Variants in R3HCC1 observed in about 807,000 individuals in gnomAD.
R3HCC1 encodes the protein R3H and coiled-coil domain-containing protein 1.
A neutral mutation model predicts 40.0 loss-of-function variants in R3HCC1; 32 were observed. The ratio of observed to expected loss-of-function variants is 0.80; its 90% CI spans 0.60 to 1.07. The LOEUF (loss-of-function observed/expected upper bound fraction) is 1.07, where lower values mean the gene tolerates loss of function less well. R3HCC1 is among the 50% of genes least tolerant of loss of function. The pLI is 0.00. For missense variants in R3HCC1, 586 were observed against 563.3 expected (o/e 1.04, Z -0.41); for synonymous variants, 237 against 232.8 (o/e 1.02, Z -0.17).
At chr8:23,295,668 A>ATTGGG (rs1802994711) in intron 7 of R3HCC1, 1 of 496,362 alleles carries the variant, frequency 2.0e-6, no homozygotes, top group Non-Finnish European at 3.7e-6. Flanking sequence ...ACCCCTCCCA[A>ATTGGG]AGGACCCTAA....
chr8:23,294,087 A>G (rs1448003526), intron 6 of R3HCC1, among the ~76,000 whole-genome samples: 1 of 152,202 alleles, frequency 6.6e-6, no homozygotes, highest in East Asian at 1.9e-4. Context: ...CCCAGTCCTC[A>G]GGAGGGAGGG....
chr8:23,293,130 G>C (rs1344079557), intron 5 of R3HCC1, among the ~76,000 whole-genome samples, 173 bp from the exon 6 acceptor site: 5 of 152,162 alleles, frequency 3.3e-5, no homozygotes, highest in Admixed American at 6.5e-5. Flanking sequence ...CCAACCATAT[G>C]GGCTTCAGAG....
In R3HCC1 at chr8:23,292,069, C is replaced by T. The variant is rs1014357869; in HGVS notation, c.1025+536C>T. Among the ~76,000 whole-genome samples, 3 of 152,180 alleles carry T rather than the reference C, an allele frequency of 2.0e-5. No homozygotes were observed. The East Asian group carries it at 5.8e-4, about 29-fold the overall frequency. ...CCTGTCTTTCCTTCTTTTTTCTTTT[C>T]CTTTTTTTTCTCATTTTGCCTTCTC... is the stretch of plus-strand genomic sequence containing the variant. On this transcript the variant is annotated intron_variant, in intron 5 of 7. Coordinates refer to ENST00000265806, the MANE Select transcript of R3HCC1 (RefSeq NM_001136108.3).
At chr8:23,295,839 G>A in intron 7 of R3HCC1, 128 bp from the exon 8 acceptor site, 1 of 1,320,100 alleles carries the variant, frequency 7.6e-7, no homozygotes, top group Non-Finnish European at 1.0e-6. Context: ...CACGGGCACA[G>A]CTGGGCCGAG....
intron 5 of R3HCC1, 148 bp downstream of exon 5, chr8:23,291,681 G>A: frequency 7.5e-7 from 1 of 1,338,506 alleles, no homozygotes; most frequent in Non-Finnish European, 1.0e-6. Context: ...CTGTATTCCT[G>A]GGCAGTTCTC....
intron 7 of R3HCC1, chr8:23,295,482 C>T (rs1370450670): frequency 2.0e-5 from 9 of 457,722 alleles, no homozygotes; most frequent in African/African-American, 1.4e-4. Context: ...AGATTTTAGA[C>T]ACGAGTTTTC....
At chr8:23,295,085 T>TCTCCCTTGGGGAGTGGC (rs1347394034) in intron 7 of R3HCC1, among the ~76,000 whole-genome samples, 2 of 151,762 alleles carry the variant, frequency 1.3e-5, no homozygotes, top group African/African-American at 4.8e-5. Flanking sequence ...GGGGCAGGGG[T>TCTCCCTTGGGGAGTGGC]CTCCCTTGGG....
Position 23,296,158 on chromosome 8 carries a change from T to G in R3HCC1, c.*61T>G. ...GACGTAGCTGGCGCCCCCAACACCA[T>G]AAGCCTTCACAGACGCCAGAGCAGC... On this transcript the variant is annotated 3_prime_UTR_variant, in exon 8 of 8. Coordinates refer to ENST00000265806, the MANE Select transcript of R3HCC1 (RefSeq NM_001136108.3). 1 of 1,507,508 alleles carries G rather than the reference T, an allele frequency of 6.6e-7. No homozygotes were observed. The highest frequency in any genetic ancestry group is 1.4e-5 in the African/African-American group (1 of 71,794). 93.4% of individuals were successfully genotyped at this position (1,507,508 alleles called of 1,614,324 possible).
In R3HCC1 at chr8:23,295,273, C is replaced by A. The variant is rs568871325; in HGVS notation, c.1192+409C>A. Among the ~76,000 whole-genome samples, 26 of 152,246 alleles carry A rather than the reference C, an allele frequency of 1.7e-4. No homozygotes were observed. The East Asian group carries it at 2.1e-3, about 12-fold the overall frequency. On this transcript the variant is annotated intron_variant, in intron 7 of 7. Transcript: ENST00000265806. ...CCCCAAATGGCTCTGTCAGTTACTT[C>A]AGTTGGTCTCAGTGACACTGAGGAA...
At chr8:23,295,170 G>A (rs372792956) in intron 7 of R3HCC1, among the ~76,000 whole-genome samples, 3 of 152,120 alleles carry the variant, frequency 2.0e-5, no homozygotes, top group Admixed American at 1.3e-4. Context: ...GAAAAGCTTG[G>A]TCCTTCTTCT....
rs1202855828 is a variant in R3HCC1, at chr8:23,291,419, C to T, written c.911C>T (p.Ser304Phe). The change falls in exon 5 of 8, where the codon TCC (serine) becomes TTC (phenylalanine). Residue 304 changes from serine (S) to phenylalanine (F), a missense_variant. By Grantham distance (155) the Ser-to-Phe change is radical (BLOSUM62 -2). Coordinates refer to ENST00000265806, the MANE Select transcript of R3HCC1 (RefSeq NM_001136108.3). The stretch of plus-strand genomic sequence containing the variant: ...ATAGAGAAGATCCATTTGGACACAT[C>T]CTCCTTCGTGGAGGAGCTGCCTGGA... 3.2e-6 allele frequency: 5 copies of T among 1,551,720 alleles called. No individual in the cohort carries two copies. Among genetic ancestry groups the T allele is most frequent in the Non-Finnish European group, 3.5e-6 (4 of 1,146,952 alleles).
chr8:23,290,073 C>G lies in R3HCC1; in HGVS notation c.456C>G (p.Thr152=). Reference sequence around the variant, plus strand: ...GCAGGCAGGAAGAATGGGGGCTGACCTCTACCTCGGTGCTCAAGAGAGAGG... The same window carrying G: ...GCAGGCAGGAAGAATGGGGGCTGACGTCTACCTCGGTGCTCAAGAGAGAGG... Residue 152 remains threonine, a synonymous_variant, in exon 4 of 8, where the codon ACC becomes ACG. Transcript: ENST00000265806. 1 of 1,549,250 alleles carries G rather than the reference C, an allele frequency of 6.5e-7. No individual in the cohort carries two copies.
intron 7 of R3HCC1, chr8:23,295,722 G>A: frequency 3.5e-6 from 2 of 577,794 alleles, no homozygotes; most frequent in Non-Finnish European, 3.1e-6. Flanking sequence ...CCCCCTCACT[G>A]TAGAGACAGA....
chr8:23,294,634 C>T, intron 6 of R3HCC1, 135 bp from the exon 7 acceptor site: 1 of 684,938 alleles, frequency 1.5e-6, no homozygotes, highest in South Asian at 1.7e-5. Context: ...TCTTGCCCAT[C>T]CAGGGCGGTG....
At position 23,296,113 on chromosome 8, in the gene R3HCC1, C is replaced by G. The variant is rs1287372105; in HGVS notation, c.*16C>G. The G allele has an allele frequency of 4.5e-6, 7 of 1,546,116 alleles. No homozygotes were observed. The South Asian group carries it at 8.4e-5, about 18-fold the overall frequency. On this transcript the variant is annotated 3_prime_UTR_variant, in exon 8 of 8. Transcript: ENST00000265806. ...GCCGCCCTGAGGCCTGGAGACCCAA[C>G]TGGCCTGGATCTGCGTCCCGACGTA... is the stretch of plus-strand genomic sequence containing the variant.
At chr8:23,294,918 CGAGCATGTGTGTGTGTGCGTGT>C (rs1411547024) in intron 7 of R3HCC1, 54 bp downstream of exon 7, 1 of 1,266,410 alleles carries the variant, frequency 7.9e-7, no homozygotes, top group Non-Finnish European at 1.1e-6. Flanking sequence ...TGTGTGCGTG[CGAGCATGTGTGTGTGTGCGTGT>C]GTGTGTGTCT....
chr8:23,295,197 C>CG (rs1162635716), intron 7 of R3HCC1, among the ~76,000 whole-genome samples: 7 of 152,126 alleles, frequency 4.6e-5, no homozygotes, highest in Non-Finnish European at 8.8e-5. Context: ...CCCTGGAAAC[C>CG]GTATCCCATA....
intron 4 of R3HCC1, chr8:23,291,000 C>A (rs539221685): frequency 1.2e-4 from 26 of 213,990 alleles, no homozygotes; most frequent in African/African-American, 5.0e-4. Flanking sequence ...AGGGAAAGTT[C>A]TTGGACTTGC....
intron 5 of R3HCC1, among the ~76,000 whole-genome samples, chr8:23,292,507 G>T (rs1316088043): frequency 6.6e-6 from 1 of 152,154 alleles, no homozygotes; most frequent in African/African-American, 2.4e-5. Context: ...CCAGCTACTC[G>T]GGAGGCTGAG....
Sources: gnomAD v4.1 joint callset for allele counts (sites outside exome capture counted in the v4.1 genomes callset) on GRCh38, gnomAD v4.1.1 for gene constraint, MANE v1.5 for transcripts, NCBI Gene and HGNC (gene_info 2026-07-23, HGNC 2026-07-21) for gene names.